Variants in CD200R1L observed in about 807,000 individuals in gnomAD.
CD200R1L encodes the protein CD200 receptor 1 like, also known as cell surface glycoprotein CD200 receptor 2.
In CD200R1L, 14 loss-of-function variants were observed where a neutral mutation model predicts 24.8. The ratio of observed to expected loss-of-function variants is 0.56; its 90% CI spans 0.37 to 0.88. The LOEUF is 0.88. CD200R1L is among the 40% of genes least tolerant of loss of function. The pLI is 0.00. For synonymous variants in CD200R1L, 111 were observed against 109.2 expected, an observed-to-expected ratio of 1.02 and a Z score of -0.11; for missense variants, 299 against 297.8, an observed-to-expected ratio of 1.00 and a Z score of -0.03.
rs561655849 is a variant in CD200R1L at position 112,833,000 on chromosome 3, T to A, written c.-17-3616A>T. Among the ~76,000 whole-genome samples, 74 of 152,354 alleles carry A rather than the reference T, an allele frequency of 4.9e-4. 1 individual carries two copies. The highest frequency in any genetic ancestry group is 3.8e-3 in the Admixed American group (58 of 15,304). ...TGAATACCTTAGTTAATCACATGCA[T>A]TCCAGAGGTGAGAAGTCAATTCTAC... On this transcript the variant is annotated intron_variant, in intron 3 of 7. Coordinates refer to ENST00000488794, the MANE Select transcript of CD200R1L (RefSeq NM_001199215.3).
At chr3:112,817,382 A>G (rs1251742865) in intron 7 of CD200R1L, among the ~76,000 whole-genome samples, 1 of 152,092 alleles carries the variant, frequency 6.6e-6, no homozygotes, top group Non-Finnish European at 1.5e-5. Flanking sequence ...GCTAGACTAC[A>G]TTTTCCAACC....
chr3:112,844,514 A>C (rs2107357211), intron 2 of CD200R1L, among the ~76,000 whole-genome samples: 1 of 152,376 alleles, frequency 6.6e-6, no homozygotes, highest in South Asian at 2.1e-4. Flanking sequence ...CAGAGGCATG[A>C]CATATAAAAA....
intron 7 of CD200R1L, among the ~76,000 whole-genome samples, chr3:112,818,591 G>C (rs1412040132): frequency 1.3e-5 from 2 of 152,256 alleles, no homozygotes; most frequent in African/African-American, 2.4e-5. Flanking sequence ...GCTTCCAGTG[G>C]CTCCTGCCAT....
Position 112,845,713 on chromosome 3 carries a change from T to C in CD200R1L, c.-121A>G. ...TGATAATGATGGAAATCAGTAATCT[T>C]GGAGCTGACATCTTCCCTAAAGTAT... On this transcript the variant is annotated 5_prime_UTR_variant, in exon 2 of 8. Coordinates refer to ENST00000488794, the MANE Select transcript of CD200R1L (RefSeq NM_001199215.3). The C allele has an allele frequency of 6.2e-7, 1 of 1,613,440 alleles. No homozygotes were observed. The highest frequency in any genetic ancestry group is 1.3e-5 in the African/African-American group (1 of 75,034).
chr3:112,830,487 T>C (rs1294746472), intron 3 of CD200R1L, among the ~76,000 whole-genome samples: 3 of 149,806 alleles, frequency 2.0e-5, no homozygotes, highest in Middle Eastern at 3.4e-3. Context: ...CGTTATACTC[T>C]TGTCATTGCA....
At chr3:112,839,650 T>G (rs1236011640) in intron 2 of CD200R1L, among the ~76,000 whole-genome samples, 1 of 152,158 alleles carries the variant, frequency 6.6e-6, no homozygotes, top group Non-Finnish European at 1.5e-5. Context: ...CCTGTCAGAG[T>G]ATCCTCTGCT....
At chr3:112,819,555 G>A (rs939804851) in intron 7 of CD200R1L, among the ~76,000 whole-genome samples, 13 of 152,138 alleles carry the variant, frequency 8.5e-5, no homozygotes, top group African/African-American at 9.7e-5. Context: ...CCACAATGAA[G>A]CACTTTCACA....
chr3:112,826,930 T>C, intron 6 of CD200R1L, 63 bp downstream of exon 6: 1 of 1,503,944 alleles, frequency 6.6e-7, no homozygotes, highest in Non-Finnish European at 8.9e-7. Flanking sequence ...GGTTATTCGT[T>C]ATTTTCTATG....
intron 6 of CD200R1L, among the ~76,000 whole-genome samples, chr3:112,824,694 A>G (rs1938615636): frequency 1.3e-5 from 2 of 152,218 alleles, no homozygotes; most frequent in Non-Finnish European, 2.9e-5. Flanking sequence ...AGAAAGGAGC[A>G]TTGTGTCAGA....
chr3:112,822,902 G>T (rs1938570498), intron 6 of CD200R1L, among the ~76,000 whole-genome samples: 1 of 152,102 alleles, frequency 6.6e-6, no homozygotes, highest in African/African-American at 2.4e-5. Flanking sequence ...AGGGTGCCAG[G>T]GAAGACGTAT....
intron 3 of CD200R1L, among the ~76,000 whole-genome samples, chr3:112,832,646 A>G (rs530620889): frequency 6.6e-6 from 1 of 152,314 alleles, no homozygotes; most frequent in African/African-American, 2.4e-5. Flanking sequence ...AGATCAATGC[A>G]AAATTACCAA....
chr3:112,822,924 T>C (rs1938571888), intron 6 of CD200R1L, among the ~76,000 whole-genome samples: 1 of 152,220 alleles, frequency 6.6e-6, no homozygotes, highest in Non-Finnish European at 1.5e-5. Context: ...CCCTCTAAAC[T>C]GTTGATCTTC....
chr3:112,842,254 C>T (rs1289922352), intron 2 of CD200R1L, among the ~76,000 whole-genome samples: 1 of 152,200 alleles, frequency 6.6e-6, no homozygotes, highest in Non-Finnish European at 1.5e-5. Context: ...GTCAGGGACC[C>T]TGAATGGAGG....
intron 6 of CD200R1L, among the ~76,000 whole-genome samples, chr3:112,823,984 A>G (rs114680479): frequency 6.5e-4 from 99 of 152,320 alleles, no homozygotes; most frequent in Middle Eastern, 3.4e-3. Context: ...CACTGGGGTT[A>G]TGTAAGTAGA....
intron 2 of CD200R1L, among the ~76,000 whole-genome samples, chr3:112,843,342 A>T (rs1939123908): frequency 1.3e-5 from 2 of 152,206 alleles, no homozygotes; most frequent in Non-Finnish European, 2.9e-5. Context: ...TTACAAAGAA[A>T]CCCCATCAGA....
intron 3 of CD200R1L, among the ~76,000 whole-genome samples, chr3:112,835,326 G>T (rs937229794): frequency 6.6e-6 from 1 of 152,116 alleles, no homozygotes. Context: ...CTGCAGGCAG[G>T]TCATCCCATT....
intron 2 of CD200R1L, among the ~76,000 whole-genome samples, chr3:112,842,683 C>A (rs956238443): frequency 1.3e-5 from 2 of 152,096 alleles, no homozygotes; most frequent in African/African-American, 4.8e-5. Context: ...TATTAATACC[C>A]TGGGAAAGGA....
Position 112,819,910 on chromosome 3 carries a change from A to G in CD200R1L, c.617-15T>C. On this transcript the variant is annotated splice_polypyrimidine_tract_variant and intron_variant, in intron 6 of 7. Coordinates refer to ENST00000488794, the MANE Select transcript of CD200R1L (RefSeq NM_001199215.3). ...GGTTCTGAGACCTTTAAATACAGAC[A>G]GGGGTGAAAAATCATTTCAAGCATT... 1 of 1,559,320 alleles carries G rather than the reference A, an allele frequency of 6.4e-7. No individual in the cohort carries two copies. Among genetic ancestry groups the G allele is most frequent in the East Asian group, 2.3e-5 (1 of 43,294 alleles).
intron 2 of CD200R1L, among the ~76,000 whole-genome samples, chr3:112,844,441 A>G (rs1576100593): frequency 6.6e-6 from 1 of 152,364 alleles, no homozygotes; most frequent in Middle Eastern, 3.4e-3. Flanking sequence ...TTGATCCTCA[A>G]TAAGTTTTGG....
Sources: allele counts gnomAD v4.1 joint callset (sites outside exome capture counted in the v4.1 genomes callset), GRCh38; gene constraint gnomAD v4.1.1; transcripts MANE v1.5; gene names NCBI Gene and HGNC (gene_info 2026-07-23, HGNC 2026-07-21).